ETNK1: variants seen among roughly 807,000 people sequenced by gnomAD.
ETNK1 encodes the protein ethanolamine kinase 1, also known as putative protein product of Nbla10396.
In ETNK1, 8 loss-of-function variants were observed where a neutral mutation model predicts 45.1. The observed-to-expected ratio is 0.18, with a 90% CI of 0.10 to 0.32. The LOEUF (loss-of-function observed/expected upper bound fraction) is 0.32, where lower values mean the gene tolerates loss of function less well. ETNK1 is among the 10% of genes least tolerant of loss of function. The probability of loss-of-function intolerance (pLI) is 1.00; values close to 1 mark genes in which losing one functional copy is unlikely to be tolerated. For missense variants in ETNK1, 302 were observed against 430.6 expected, an observed-to-expected ratio of 0.70 and a Z score of 2.64; for synonymous variants, 152 against 151.9, an observed-to-expected ratio of 1.00 and a Z score of -0.01.
intron 6 of ETNK1, among the ~76,000 whole-genome samples, chr12:22,676,167 A>G (rs1253265514): frequency 2.0e-5 from 3 of 152,024 alleles, no homozygotes; most frequent in Non-Finnish European, 4.4e-5. Flanking sequence ...CTAGCCCCCT[A>G]CCCACTGACA....
chr12:22,628,499 A>G (rs1186026754), intron 1 of ETNK1, among the ~76,000 whole-genome samples: 1 of 152,242 alleles, frequency 6.6e-6, no homozygotes, highest in East Asian at 1.9e-4. Flanking sequence ...GTTGTGTAAC[A>G]ACTGTTTAAC....
rs140028434 is a variant in ETNK1 at position 22,645,707 on chromosome 12, T to G, written c.416+1685T>G. Among the ~76,000 whole-genome samples, 485 of 151,888 alleles carry G rather than the reference T, an allele frequency of 3.2e-3. 4 individuals are homozygous for G. Among genetic ancestry groups the G allele is most frequent in the African/African-American group, 1.0e-2 (415 of 41,530 alleles). ...ATCTATCATCTCAGACATTTTTTTT[T>G]GGGTTGGGACATTACAGTTCTTCTT... is the stretch of plus-strand genomic sequence containing the variant. On this transcript the variant is annotated intron_variant, in intron 2 of 7. Coordinates refer to ENST00000266517, the MANE Select transcript of ETNK1 (RefSeq NM_018638.5).
At chr12:22,652,718 T>C (rs928094490) in intron 2 of ETNK1, among the ~76,000 whole-genome samples, 4 of 152,218 alleles carry the variant, frequency 2.6e-5, no homozygotes, top group African/African-American at 9.6e-5. Context: ...TGTGGGAGTT[T>C]GTTATATGTT....
chr12:22,681,433 A>G (rs977361853), intron 6 of ETNK1, among the ~76,000 whole-genome samples: 2 of 152,056 alleles, frequency 1.3e-5, no homozygotes, highest in African/African-American at 4.8e-5. Context: ...AGTAGGAAGA[A>G]GAGATTAGGA....
intron 6 of ETNK1, among the ~76,000 whole-genome samples, chr12:22,675,928 G>C (rs955259661): frequency 4.6e-5 from 7 of 152,086 alleles, no homozygotes; most frequent in African/African-American, 1.4e-4. Flanking sequence ...TATAGTAAGT[G>C]TTATACTCTG....
chr12:22,645,675 T>C (rs925691709), intron 2 of ETNK1, among the ~76,000 whole-genome samples: 6 of 151,776 alleles, frequency 4.0e-5, no homozygotes, highest in Non-Finnish European at 8.9e-5. Context: ...GTTAGAGTAA[T>C]TGGTGTATCT....
chr12:22,675,110 C>A (rs1954147193), intron 6 of ETNK1, among the ~76,000 whole-genome samples: 1 of 152,064 alleles, frequency 6.6e-6, no homozygotes, highest in South Asian at 2.1e-4. Flanking sequence ...CTTTGTCATC[C>A]AGGCCTGGAG....
At chr12:22,645,648 C>T (rs1042820786) in intron 2 of ETNK1, among the ~76,000 whole-genome samples, 1 of 151,582 alleles carries the variant, frequency 6.6e-6, no homozygotes, top group Non-Finnish European at 1.5e-5. Context: ...TACATGTATA[C>T]ACTGTATAAT....
intron 1 of ETNK1, chr12:22,638,670 C>G (rs1420407208): frequency 1.3e-5 from 2 of 152,038 alleles, no homozygotes; most frequent in Non-Finnish European, 2.9e-5. Context: ...CTCATTGATG[C>G]TTTTATGTTT....
chr12:22,659,240 T>C (rs1365928500), intron 3 of ETNK1, 86 bp downstream of exon 3: 18 of 1,340,730 alleles, frequency 1.3e-5, no homozygotes, highest in Non-Finnish European at 1.7e-5. Context: ...AGTTTCATTG[T>C]ATAAAATCTG....
intron 2 of ETNK1, chr12:22,656,957 T>C (rs1033685771): frequency 8.4e-6 from 3 of 357,828 alleles, no homozygotes; most frequent in Non-Finnish European, 1.2e-5. Flanking sequence ...TGTTTCCTCC[T>C]CTTCTCTGAA....
intron 1 of ETNK1, among the ~76,000 whole-genome samples, chr12:22,640,723 TAGAG>T (rs140472940): frequency 0.052 from 7,935 of 152,148 alleles, 655 homozygotes; most frequent in African/African-American, 0.18. Flanking sequence ...ATATATGAGA[TAGAG>T]AGACACAGAG....
At chr12:22,656,990 G>C (rs1172641739) in intron 2 of ETNK1, 1 of 187,096 alleles carries the variant, frequency 5.3e-6, no homozygotes, top group African/African-American at 2.4e-5. Flanking sequence ...GTTTTAACTG[G>C]CTTACAGTGT....
chr12:22,656,935 C>A, intron 2 of ETNK1: 1 of 507,738 alleles, frequency 2.0e-6, no homozygotes, highest in Non-Finnish European at 2.5e-6. Context: ...TTGTATCTTT[C>A]TTCAAGCTTT....
intron 2 of ETNK1, chr12:22,644,329 A>G: frequency 3.9e-6 from 6 of 1,543,294 alleles, no homozygotes; most frequent in South Asian, 1.3e-5. Flanking sequence ...GAAGTGTTAT[A>G]CATTTCTTAC....
intron 4 of ETNK1, 117 bp from the exon 5 acceptor site, chr12:22,671,155 G>A (rs1954103343): frequency 1.3e-6 from 1 of 765,668 alleles, no homozygotes; most frequent in African/African-American, 1.7e-5. Flanking sequence ...ACAAGTGCAT[G>A]TAATCAAGCA....
In ETNK1 at chr12:22,685,729, T is replaced by C. The variant is rs1237116185; in HGVS notation, c.*775T>C. ...AATGCTAAATATGGTCGTTACTATT[T>C]TCAGTTTTAAAAATTTTATAGTATC... On this transcript the variant is annotated 3_prime_UTR_variant, in exon 8 of 8. Transcript: ENST00000266517. 1 of 149,740 alleles carries C rather than the reference T, an allele frequency of 6.7e-6. No individual in the cohort carries two copies. The highest frequency in any genetic ancestry group is 1.9e-4 in the East Asian group (1 of 5,196). The allele number at this position is 149,740 out of a possible 1,614,324, so 9.3% of individuals were successfully genotyped here. A position where few individuals can be genotyped will look rare whatever the true frequency, so the allele number is the denominator to read the frequency against.
intron 7 of ETNK1, 91 bp downstream of exon 7, chr12:22,684,647 A>T: frequency 2.1e-6 from 2 of 951,430 alleles, no homozygotes; most frequent in South Asian, 3.0e-5. Context: ...AGTTATTTGC[A>T]ATCAATTATA....
chr12:22,672,497 C>T (rs1420312541), intron 5 of ETNK1, among the ~76,000 whole-genome samples: 1 of 152,118 alleles, frequency 6.6e-6, no homozygotes, highest in African/African-American at 2.4e-5. Flanking sequence ...ATAAGCTGTA[C>T]ATATTTTTAC....
Sources: allele counts gnomAD v4.1 joint callset (sites outside exome capture counted in the v4.1 genomes callset), GRCh38; gene constraint gnomAD v4.1.1; transcripts MANE v1.5; gene names NCBI Gene and HGNC (gene_info 2026-07-23, HGNC 2026-07-21).